HS6ST3: variants seen among roughly 807,000 people sequenced by gnomAD.
HS6ST3 encodes the protein heparan sulfate 6-O-sulfotransferase 3.
Under a neutral mutation model 36.7 loss-of-function variants are expected in HS6ST3, and 12 were observed. The observed-to-expected ratio is 0.33, with a 90% CI of 0.21 to 0.53. The LOEUF (loss-of-function observed/expected upper bound fraction) is 0.53, where lower values mean the gene tolerates loss of function less well. Among genes scored for constraint, HS6ST3 ranks in the 20% least tolerant of loss-of-function variants. The pLI is 0.95. For missense variants in HS6ST3, 584 were observed against 640.9 expected (o/e 0.91, Z 0.96); for synonymous variants, 240 against 257.5 (o/e 0.93, Z 0.65).
chr13:96,222,075 G>A (rs2054458493), intron 1 of HS6ST3, among the ~76,000 whole-genome samples: 1 of 152,194 alleles, frequency 6.6e-6, no homozygotes, highest in African/African-American at 2.4e-5. Context: ...GAAATTGACA[G>A]TGTGATTAGA....
chr13:96,739,219 T>TTGTGTG (rs3138578), intron 1 of HS6ST3, among the ~76,000 whole-genome samples: 30 of 126,326 alleles, frequency 2.4e-4, no homozygotes, highest in East Asian at 9.2e-4. Flanking sequence ...CGACATTTGC[T>TTGTGTG]TGTGTGTGTG....
chr13:96,656,706 G>T (rs1594828912), intron 1 of HS6ST3, among the ~76,000 whole-genome samples: 1 of 152,106 alleles, frequency 6.6e-6, no homozygotes, highest in East Asian at 1.9e-4. Flanking sequence ...AAAAACGATG[G>T]CATAGGAATC....
chr13:96,317,550 G>A (rs1209904460), intron 1 of HS6ST3, among the ~76,000 whole-genome samples: 1 of 151,220 alleles, frequency 6.6e-6, no homozygotes, highest in Non-Finnish European at 1.5e-5. Flanking sequence ...TTGGTGTAAT[G>A]ATCTATTTTC....
At chr13:96,408,948 G>T (rs78845603) in intron 1 of HS6ST3, among the ~76,000 whole-genome samples, 4,421 of 152,048 alleles carry the variant, frequency 0.029, 113 homozygotes, top group East Asian at 0.06. Context: ...GAAAAGAAAA[G>T]AAAATACTGT....
intron 1 of HS6ST3, among the ~76,000 whole-genome samples, chr13:96,804,212 C>G (rs549683581): frequency 6.6e-6 from 1 of 151,360 alleles, no homozygotes; most frequent in Non-Finnish European, 1.5e-5. Flanking sequence ...GAATTGGGAA[C>G]GGCTAGTGGT....
intron 1 of HS6ST3, among the ~76,000 whole-genome samples, chr13:96,137,372 A>ATT (rs1237173406): frequency 6.6e-6 from 1 of 151,660 alleles, no homozygotes; most frequent in African/African-American, 2.4e-5. Flanking sequence ...GTATGAATAC[A>ATT]TCATTTTTCC....
chr13:96,329,683 A>C (rs2055053890), intron 1 of HS6ST3, among the ~76,000 whole-genome samples: 1 of 116,898 alleles, frequency 8.6e-6, no homozygotes, highest in Non-Finnish European at 1.8e-5. Context: ...AGAGTTCTGT[A>C]GATGTCTATT....
chr13:96,091,444 G>A lies in HS6ST3; in HGVS notation c.582G>A (p.Thr194=), dbSNP rs1339915585. 2.5e-6 allele frequency: 4 copies of A among 1,611,378 alleles called. No individual in the cohort carries two copies. The highest frequency in any genetic ancestry group is 2.5e-6 in the Non-Finnish European group (3 of 1,179,296). Residue 194 remains threonine, a synonymous_variant, in exon 1 of 2, where the codon ACG becomes ACA. Transcript: ENST00000376705. ...CTCHRPGKKE[T]WLFSRFSTGW... ...GCCACCGGCCTGGCAAGAAGGAGAC[G>A]TGGCTCTTCTCCCGCTTCTCCACCG...
In HS6ST3 at chr13:96,182,005, CG is replaced by C. The variant is rs1204678968; in HGVS notation, c.707+90437del. Among the ~76,000 whole-genome samples the C allele has an allele frequency of 1.1e-4, 16 of 152,034 alleles. No individual in the cohort carries two copies. The East Asian group carries it at 1.3e-3, about 13-fold the overall frequency. On this transcript the variant is annotated intron_variant, in intron 1 of 1. Coordinates refer to ENST00000376705, the MANE Select transcript of HS6ST3 (RefSeq NM_153456.4). ...CTACCCTGTTTTGTTTTATCTGCTCCGTAAGTTAGAAGAAGAAATTTGTCAG... is the reference window on the plus strand; with the variant it reads ...CTACCCTGTTTTGTTTTATCTGCTCCTAAGTTAGAAGAAGAAATTTGTCAG...
chr13:96,101,977 G>T (rs2053820493), intron 1 of HS6ST3, among the ~76,000 whole-genome samples: 1 of 152,176 alleles, frequency 6.6e-6, no homozygotes, highest in South Asian at 2.1e-4. Context: ...GTTGCCTGCG[G>T]AATTGTTTTC....
intron 1 of HS6ST3, among the ~76,000 whole-genome samples, chr13:96,768,287 G>T (rs1336881471): frequency 1.3e-5 from 2 of 152,186 alleles, no homozygotes; most frequent in African/African-American, 4.8e-5. Flanking sequence ...AAAAGGAAAT[G>T]GATATTATAT....
chr13:96,430,636 C>T (rs2055610671), intron 1 of HS6ST3, among the ~76,000 whole-genome samples: 2 of 152,220 alleles, frequency 1.3e-5, no homozygotes, highest in African/African-American at 2.4e-5. Context: ...ACCACCTGGA[C>T]TTCCAGCCAT....
chr13:96,545,710 T>G (rs2056195251), intron 1 of HS6ST3, among the ~76,000 whole-genome samples: 1 of 152,214 alleles, frequency 6.6e-6, no homozygotes. Flanking sequence ...ATTGCCATTG[T>G]AAAGATATAT....
At chr13:96,254,415 GAAAAAAAAAAAAAAAAAAA>G (rs1174704709) in intron 1 of HS6ST3, among the ~76,000 whole-genome samples, 13 of 21,494 alleles carry the variant, frequency 6.0e-4, no homozygotes, top group African/African-American at 1.1e-3. Flanking sequence ...CTCTGTCTCA[GAAAAAAAAAAAAAAAAAAA>G]AAAAAAAAAA....
chr13:96,715,695 T>C (rs1193640062), intron 1 of HS6ST3, among the ~76,000 whole-genome samples: 2 of 152,142 alleles, frequency 1.3e-5, no homozygotes, highest in African/African-American at 4.8e-5. Flanking sequence ...ACATTATCTA[T>C]TTCCGATAAT....
chr13:96,106,175 T>C (rs778109754), intron 1 of HS6ST3, among the ~76,000 whole-genome samples: 5 of 152,246 alleles, frequency 3.3e-5, no homozygotes, highest in African/African-American at 7.2e-5. Context: ...CAATAAATTC[T>C]CTGATACTCT....
intron 1 of HS6ST3, among the ~76,000 whole-genome samples, chr13:96,679,413 G>A (rs2138436658): frequency 6.6e-6 from 1 of 151,970 alleles, no homozygotes; most frequent in Admixed American, 6.6e-5. Context: ...ACTGAGACCA[G>A]GCACTCCTAA....
intron 1 of HS6ST3, among the ~76,000 whole-genome samples, chr13:96,154,367 A>G (rs1196416066): frequency 1.3e-5 from 2 of 152,156 alleles, no homozygotes; most frequent in East Asian, 1.9e-4. Flanking sequence ...ATTATAACAG[A>G]TAGGTAAGTT....
At chr13:96,470,566 T>TA (rs2055835729) in intron 1 of HS6ST3, among the ~76,000 whole-genome samples, 2 of 152,230 alleles carry the variant, frequency 1.3e-5, no homozygotes, top group East Asian at 3.9e-4. Context: ...AAACTCCCCA[T>TA]TGTCATCCTG....
Sources: allele counts gnomAD v4.1 joint callset (sites outside exome capture counted in the v4.1 genomes callset), GRCh38; gene constraint gnomAD v4.1.1; transcripts MANE v1.5; gene names NCBI Gene and HGNC (gene_info 2026-07-23, HGNC 2026-07-21).